The following CCDC149 variants were observed in gnomAD, a reference collection of about 807,000 sequenced individuals.
The protein encoded by CCDC149 is coiled-coil domain-containing protein 149.
A neutral mutation model predicts 59.9 loss-of-function variants in CCDC149; 45 were observed. The ratio of observed to expected loss-of-function variants is 0.75; its 90% confidence interval spans 0.59 to 0.96. The LOEUF (loss-of-function observed/expected upper bound fraction) is 0.96. Among genes scored for constraint, CCDC149 ranks in the 40% least tolerant of loss-of-function variants. CCDC149 has a pLI of 0.00. For synonymous variants in CCDC149, 245 were observed against 260.6 expected, an observed-to-expected ratio of 0.94 and a Z score of 0.58; for missense variants, 584 against 664.7, an observed-to-expected ratio of 0.88 and a Z score of 1.33.
At chr4:24,839,401 G>T (rs183268183) in intron 4 of CCDC149, among the ~76,000 whole-genome samples, 4 of 151,804 alleles carry the variant, frequency 2.6e-5, no homozygotes, top group Non-Finnish European at 4.4e-5. Context: ...GGATGGTCTC[G>T]ATCTCCTGAC....
chr4:24,809,905 G>A (rs1409940544), intron 12 of CCDC149, among the ~76,000 whole-genome samples: 1 of 152,234 alleles, frequency 6.6e-6, no homozygotes, highest in Non-Finnish European at 1.5e-5. Flanking sequence ...AAAGGATGTT[G>A]AGCATCATCT....
intron 4 of CCDC149, among the ~76,000 whole-genome samples, chr4:24,839,026 TCTCA>T (rs150484222): frequency 6.4e-4 from 84 of 131,734 alleles, no homozygotes; most frequent in African/African-American, 1.2e-3. Flanking sequence ...TCTCTCTCTC[TCTCA>T]CACACACACA....
intron 1 of CCDC149, among the ~76,000 whole-genome samples, chr4:24,879,275 G>A (rs1217153872): frequency 6.6e-6 from 1 of 152,040 alleles, no homozygotes; most frequent in Non-Finnish European, 1.5e-5. Flanking sequence ...CAGCACTTTG[G>A]GAGGCCGAGG....
intron 1 of CCDC149, among the ~76,000 whole-genome samples, chr4:24,886,925 A>C (rs1396047072): frequency 6.6e-6 from 1 of 152,098 alleles, no homozygotes; most frequent in East Asian, 1.9e-4. Context: ...TTGGGTGTGA[A>C]TACTAGATAT....
At chr4:24,911,083 C>T (rs114056732) in intron 1 of CCDC149, among the ~76,000 whole-genome samples, 311 of 152,270 alleles carry the variant, frequency 2.0e-3, no homozygotes, top group African/African-American at 7.3e-3. Context: ...TCAGGATTCA[C>T]TGACTTATTC....
chr4:24,883,203 C>CT (rs34694471), intron 1 of CCDC149, among the ~76,000 whole-genome samples: 42,674 of 147,180 alleles, frequency 0.29, 6,168 homozygotes, highest in Admixed American at 0.35. Flanking sequence ...GTTTTCTTTT[C>CT]TTTTTTTTTT....
intron 1 of CCDC149, among the ~76,000 whole-genome samples, chr4:24,946,092 T>C (rs1723102867): frequency 6.6e-6 from 1 of 152,208 alleles, no homozygotes; most frequent in African/African-American, 2.4e-5. Context: ...CAGTCAAAGA[T>C]AGACACACCA....
At chr4:24,933,666 A>G (rs1211914527) in intron 1 of CCDC149, among the ~76,000 whole-genome samples, 3 of 152,218 alleles carry the variant, frequency 2.0e-5, no homozygotes, top group African/African-American at 7.2e-5. Flanking sequence ...GGAGAGACAG[A>G]TAATAAGCTG....
chr4:24,946,764 A>G (rs964295773), intron 1 of CCDC149, among the ~76,000 whole-genome samples: 2 of 152,192 alleles, frequency 1.3e-5, no homozygotes, highest in Non-Finnish European at 2.9e-5. Context: ...AGTTAATATT[A>G]AGGCCAGCTT....
chr4:24,945,787 A>G (rs1322780325), intron 1 of CCDC149, among the ~76,000 whole-genome samples: 1 of 152,006 alleles, frequency 6.6e-6, no homozygotes, highest in Non-Finnish European at 1.5e-5. Context: ...ACGCCCTGCT[A>G]ATTTTTGTAT....
intron 1 of CCDC149, among the ~76,000 whole-genome samples, chr4:24,955,775 A>G (rs1006529136): frequency 6.6e-6 from 1 of 152,240 alleles, no homozygotes; most frequent in Admixed American, 6.5e-5. Flanking sequence ...CAGTTTTTCA[A>G]GATGAAAAGA....
At chr4:24,900,223 T>G (rs1030875237) in intron 1 of CCDC149, among the ~76,000 whole-genome samples, 2 of 152,216 alleles carry the variant, frequency 1.3e-5, no homozygotes. Context: ...GCTCACTATG[T>G]AACTGGCACA....
upstream of CCDC149, among the ~76,000 whole-genome samples, chr4:24,916,184 G>A (rs903474076): frequency 6.6e-6 from 1 of 152,076 alleles, no homozygotes; most frequent in African/African-American, 2.4e-5. Flanking sequence ...GATCTCTAGG[G>A]ACCTAATTTT....
intron 1 of CCDC149, among the ~76,000 whole-genome samples, chr4:24,908,739 T>C (rs1382437041): frequency 2.6e-5 from 4 of 152,204 alleles, no homozygotes; most frequent in Non-Finnish European, 5.9e-5. Context: ...AGTCTCTACT[T>C]TGGGCGGAGG....
chr4:24,821,705 T>C (rs557392460), intron 10 of CCDC149, among the ~76,000 whole-genome samples: 81 of 152,250 alleles, frequency 5.3e-4, no homozygotes, highest in Non-Finnish European at 1.0e-3. Context: ...AGGTACAACA[T>C]GGTTTCCAGG....
intron 3 of CCDC149, among the ~76,000 whole-genome samples, chr4:24,861,238 T>G (rs1024605915): frequency 7.6e-6 from 1 of 131,234 alleles, no homozygotes; most frequent in Non-Finnish European, 1.6e-5. Flanking sequence ...AATGAGCGAA[T>G]AAATAATATG....
chr4:24,904,082 G>A (rs1249177550), intron 1 of CCDC149, among the ~76,000 whole-genome samples: 2 of 152,220 alleles, frequency 1.3e-5, no homozygotes, highest in East Asian at 3.8e-4. Context: ...TTACAGGCGT[G>A]AGCCACCGTG....
intron 1 of CCDC149, among the ~76,000 whole-genome samples, chr4:24,947,375 G>A (rs1723141238): frequency 6.6e-6 from 1 of 152,284 alleles, no homozygotes; most frequent in Non-Finnish European, 1.5e-5. Flanking sequence ...GGAAGGACAT[G>A]TTTTCTTCCC....
At chr4:24,838,776 T>C (rs1001323822) in intron 4 of CCDC149, among the ~76,000 whole-genome samples, 5 of 148,692 alleles carry the variant, frequency 3.4e-5, no homozygotes, top group African/African-American at 1.3e-4. Context: ...ATTTAAAGAG[T>C]TTAAAAAAAA....
Sources: allele counts gnomAD v4.1 joint callset (sites outside exome capture counted in the v4.1 genomes callset), GRCh38; gene constraint gnomAD v4.1.1; transcripts MANE v1.5; gene names NCBI Gene and HGNC (gene_info 2026-07-23, HGNC 2026-07-21).